FAM227B: variants seen among roughly 807,000 people sequenced by gnomAD.
FAM227B encodes the protein family with sequence similarity 227 member B.
In FAM227B, 88 loss-of-function variants were observed where a neutral mutation model predicts 73.8. The observed-to-expected ratio is 1.19, with a 90% confidence interval of 1.00 to 1.42. The LOEUF is 1.42. Ranked by LOEUF, FAM227B falls within the 40% of genes most tolerant of loss-of-function variation. The probability of loss-of-function intolerance (pLI) is 0.00; values close to 1 mark genes in which losing one functional copy is unlikely to be tolerated. For missense variants in FAM227B, 632 were observed against 590.9 expected (o/e 1.07, Z -0.72); for synonymous variants, 210 against 190.5 (o/e 1.10, Z -0.84).
chr15:49,448,802 T>A (rs1054451386), intron 11 of FAM227B, among the ~76,000 whole-genome samples: 1 of 151,814 alleles, frequency 6.6e-6, no homozygotes, highest in Non-Finnish European at 1.5e-5. Context: ...CCAAGACAGA[T>A]AACTGGCAAA....
rs938447012 is a variant in FAM227B, at chr15:49,430,096, C to T, written c.1013-58697G>A. On this transcript the variant is annotated intron_variant, in intron 11 of 15. Coordinates refer to ENST00000299338, the MANE Select transcript of FAM227B (RefSeq NM_152647.3). The stretch of plus-strand genomic sequence containing the variant: ...TGCACCAAGAGGGTTCTTCTGGGCT[C>T]ATCTGACCTCTCTGACAAATCTTAG... Among the ~76,000 whole-genome samples the T allele has an allele frequency of 2.0e-5, 3 of 151,872 alleles. No homozygotes were observed. The South Asian group carries it at 6.2e-4, about 31-fold the overall frequency.
intron 11 of FAM227B, among the ~76,000 whole-genome samples, chr15:49,467,200 A>G (rs1207075627): frequency 6.6e-6 from 1 of 152,144 alleles, no homozygotes; most frequent in Admixed American, 6.5e-5. Context: ...GCTGTCTCTG[A>G]ATTAGATAAA....
intron 11 of FAM227B, among the ~76,000 whole-genome samples, chr15:49,413,809 C>T (rs889637351): frequency 2.0e-5 from 3 of 151,468 alleles, no homozygotes; most frequent in Non-Finnish European, 4.4e-5. Context: ...GTTTCTAGAA[C>T]ACAACAAGCT....
intron 13 of FAM227B, among the ~76,000 whole-genome samples, chr15:49,358,199 C>A (rs1012786781): frequency 1.6e-4 from 24 of 151,266 alleles, no homozygotes; most frequent in Non-Finnish European, 5.9e-5. Flanking sequence ...GCCCTCCTCA[C>A]CACTCCTATT....
At chr15:49,527,979 T>C (rs951274797) in intron 10 of FAM227B, among the ~76,000 whole-genome samples, 2 of 151,840 alleles carry the variant, frequency 1.3e-5, no homozygotes, top group African/African-American at 4.8e-5. Context: ...ACTAATGTCT[T>C]TTTTTGACAG....
chr15:49,412,810 A>G (rs2151692724), intron 11 of FAM227B, among the ~76,000 whole-genome samples: 1 of 152,178 alleles, frequency 6.6e-6, no homozygotes, highest in East Asian at 1.9e-4. Context: ...AGATATCCTT[A>G]AAAAGAGATT....
intron 11 of FAM227B, among the ~76,000 whole-genome samples, chr15:49,491,012 A>C (rs1209813060): frequency 6.6e-6 from 1 of 152,008 alleles, no homozygotes; most frequent in Non-Finnish European, 1.5e-5. Flanking sequence ...AGTTTTTTCC[A>C]GAATATATTC....
At position 49,615,155 on chromosome 15, in the gene FAM227B, G is replaced by GCTCC; in HGVS notation, c.16_17insGGAG (p.Thr6ArgfsTer23). The GCTCC allele has an allele frequency of 6.2e-7, 1 of 1,614,090 alleles. No individual in the cohort carries two copies. The highest frequency in any genetic ancestry group is 8.5e-7 in the Non-Finnish European group (1 of 1,179,966). Reference sequence around the variant, plus strand: ...AGCTCTGCTGCTCCTCCTTTGACATGTTCGTTGGCCTGCCATGGTACAGTA... The same window carrying GCTCC: ...AGCTCTGCTGCTCCTCCTTTGACATGCTCCTTCGTTGGCCTGCCATGGTACAGTA... On this transcript the variant is annotated frameshift_variant, in exon 2 of 16. Transcript: ENST00000299338. LOFTEE classifies it high-confidence loss of function.
chr15:49,508,562 T>G (rs572000342), intron 10 of FAM227B, among the ~76,000 whole-genome samples: 1 of 152,030 alleles, frequency 6.6e-6, no homozygotes, highest in Non-Finnish European at 1.5e-5. Context: ...ACATAAATTA[T>G]TTTGAAATAT....
intron 10 of FAM227B, 47 bp downstream of exon 10, chr15:49,541,633 T>C (rs2071082975): frequency 7.5e-7 from 1 of 1,340,348 alleles, no homozygotes; most frequent in African/African-American, 1.5e-5. Flanking sequence ...AACCCCAAAA[T>C]TTTAGAAACC....
intron 9 of FAM227B, among the ~76,000 whole-genome samples, chr15:49,544,278 G>A (rs1389213922): frequency 2.0e-5 from 3 of 151,928 alleles, no homozygotes; most frequent in Non-Finnish European, 4.4e-5. Context: ...GTTGTAAAAC[G>A]GACTGAGTTC....
intron 11 of FAM227B, among the ~76,000 whole-genome samples, chr15:49,421,711 T>C (rs1567243666): frequency 6.6e-6 from 1 of 152,230 alleles, no homozygotes; most frequent in Non-Finnish European, 1.5e-5. Context: ...ATAACTTTTA[T>C]TTCTTTAGAA....
chr15:49,531,158 T>G (rs1326909852), intron 10 of FAM227B, among the ~76,000 whole-genome samples: 2 of 151,832 alleles, frequency 1.3e-5, no homozygotes, highest in African/African-American at 4.8e-5. Context: ...GAAATATTCT[T>G]AGGTAAAAAT....
chr15:49,546,975 A>C (rs1749268936), intron 9 of FAM227B, among the ~76,000 whole-genome samples: 1 of 152,176 alleles, frequency 6.6e-6, no homozygotes, highest in South Asian at 2.1e-4. Flanking sequence ...AAGACACATA[A>C]TTGTCAGATT....
At chr15:49,589,685 G>A in intron 4 of FAM227B, 91 bp downstream of exon 4, 1 of 772,158 alleles carries the variant, frequency 1.3e-6, no homozygotes, top group South Asian at 1.6e-5. Flanking sequence ...GGGTGACTCA[G>A]GAGGATCACT....
intron 11 of FAM227B, chr15:49,486,647 T>C (rs1315300397): frequency 3.3e-5 from 5 of 151,996 alleles, no homozygotes; most frequent in Admixed American, 2.6e-4. Context: ...TAGGACCAAA[T>C]GCTCTTTGTC....
At chr15:49,439,087 T>A (rs1343194059) in intron 11 of FAM227B, among the ~76,000 whole-genome samples, 1 of 151,676 alleles carries the variant, frequency 6.6e-6, no homozygotes, top group Non-Finnish European at 1.5e-5. Context: ...AGGGCTGAAG[T>A]CTTCTTATGT....
chr15:49,331,037 T>C (rs1261862093), intron 15 of FAM227B: 1 of 152,242 alleles, frequency 6.6e-6, no homozygotes, highest in Non-Finnish European at 1.5e-5. Context: ...CACCCAGGTG[T>C]TTCACTCTTT....
At chr15:49,368,779 C>T (rs1399929343) in intron 12 of FAM227B, among the ~76,000 whole-genome samples, 1 of 152,188 alleles carries the variant, frequency 6.6e-6, no homozygotes, top group Non-Finnish European at 1.5e-5. Flanking sequence ...TTCTATCTTA[C>T]TAAAATTCTA....
Sources: allele counts gnomAD v4.1 joint callset (sites outside exome capture counted in the v4.1 genomes callset), GRCh38; gene constraint gnomAD v4.1.1; transcripts MANE v1.5; gene names NCBI Gene and HGNC (gene_info 2026-07-23, HGNC 2026-07-21).